The following SGCZ variants were observed in gnomAD, a reference collection of about 807,000 sequenced individuals.
SGCZ encodes the protein zeta-sarcoglycan.
In SGCZ, 40 loss-of-function variants were observed where a neutral mutation model predicts 41.3. That is an observed-to-expected ratio of 0.97 (90% CI 0.75 to 1.26). SGCZ has a LOEUF of 1.26. Among genes scored for constraint, SGCZ ranks in the 50% most tolerant of loss-of-function variants. SGCZ has a pLI of 0.00. For missense variants in SGCZ, 552 were observed against 369.8 expected, an observed-to-expected ratio of 1.49 and a Z score of -4.04; for synonymous variants, 206 against 137.5, an observed-to-expected ratio of 1.50 and a Z score of -3.49.
chr8:14,962,990 G>A (rs1475505862), intron 1 of SGCZ, among the ~76,000 whole-genome samples: 1 of 152,146 alleles, frequency 6.6e-6, no homozygotes, highest in Non-Finnish European at 1.5e-5. Context: ...AGGCAAAACT[G>A]AAATAGGAGG....
chr8:14,245,072 G>A (rs1799037300), intron 3 of SGCZ, among the ~76,000 whole-genome samples: 1 of 152,074 alleles, frequency 6.6e-6, no homozygotes, highest in Non-Finnish European at 1.5e-5. Flanking sequence ...TTTCCTAATT[G>A]AATACCCTTT....
intron 1 of SGCZ, among the ~76,000 whole-genome samples, chr8:14,794,820 T>C (rs1801073062): frequency 6.6e-6 from 1 of 152,194 alleles, no homozygotes; most frequent in Non-Finnish European, 1.5e-5. Context: ...GAGTCAGCAT[T>C]GAAATGCCCT....
chr8:14,492,162 TA>T (rs1355912588), intron 2 of SGCZ, among the ~76,000 whole-genome samples: 1 of 152,210 alleles, frequency 6.6e-6, no homozygotes, highest in Non-Finnish European at 1.5e-5. Context: ...AGATAAGATT[TA>T]TGATGAAATT....
rs553565606 is a variant in SGCZ, at chr8:14,460,854, A to G, written c.234+93878T>C. Among the ~76,000 whole-genome samples the G allele has an allele frequency of 7.0e-4, 106 of 152,282 alleles. 1 individual carries two copies. The South Asian group carries it at 0.022, about 31-fold the overall frequency. On this transcript the variant is annotated intron_variant, in intron 2 of 7. Transcript: ENST00000382080. ...TTGAGACAGTATTGTTAATTATTTT[A>G]TTTTAATTATTCCTTAATATTTAAT... is the stretch of plus-strand genomic sequence containing the variant.
rs551542882 is a variant in SGCZ, at chr8:15,162,327, C to T, written c.39+75258G>A. On this transcript the variant is annotated intron_variant, in intron 1 of 7. Coordinates refer to ENST00000382080, the MANE Select transcript of SGCZ (RefSeq NM_139167.4). ...ACGGCCAAAAGTTCTGTGGCCAGCA[C>T]CTGTCCCACCTCTAACCCAAAGGAA... Among the ~76,000 whole-genome samples the T allele has an allele frequency of 5.3e-5, 8 of 152,306 alleles. No individual in the cohort carries two copies. In the South Asian group the frequency reaches 1.7e-3, roughly 32 times the overall value.
Position 14,718,572 on chromosome 8 carries a change from A to T in SGCZ, c.40-163646T>A, listed in dbSNP as rs77159435. On this transcript the variant is annotated intron_variant, in intron 1 of 7. Coordinates refer to ENST00000382080, the MANE Select transcript of SGCZ (RefSeq NM_139167.4). ...TGTGGACGCAAACCCAGGAGATTTT[A>T]GTAAACTATACATAGCCTATACATA... is the stretch of plus-strand genomic sequence containing the variant. Among the ~76,000 whole-genome samples the T allele has an allele frequency of 9.2e-3, 1,407 of 152,154 alleles. 20 individuals carry two copies. Among genetic ancestry groups the T allele is most frequent in the African/African-American group, 0.032 (1,332 of 41,544 alleles).
chr8:14,094,692 A>C (rs1381604252), intron 7 of SGCZ, among the ~76,000 whole-genome samples: 2 of 152,058 alleles, frequency 1.3e-5, no homozygotes, highest in African/African-American at 2.4e-5. Context: ...CTGGTTCTAG[A>C]TCCTTGAGGA....
chr8:15,054,819 G>A (rs928058119), intron 1 of SGCZ, among the ~76,000 whole-genome samples: 9 of 151,814 alleles, frequency 5.9e-5, no homozygotes, highest in South Asian at 2.1e-4. Context: ...AAAATTAGCC[G>A]GGCATTCTGG....
intron 2 of SGCZ, among the ~76,000 whole-genome samples, chr8:14,515,391 G>A (rs1390035409): frequency 6.6e-6 from 1 of 151,970 alleles, no homozygotes; most frequent in African/African-American, 2.4e-5. Flanking sequence ...ATAGCAGGAG[G>A]GATATCAAGT....
intron 1 of SGCZ, among the ~76,000 whole-genome samples, chr8:15,007,727 G>A (rs1271374601): frequency 6.6e-6 from 1 of 152,118 alleles, no homozygotes; most frequent in Non-Finnish European, 1.5e-5. Flanking sequence ...ATTAAAATAA[G>A]TTGAAATCAT....
intron 1 of SGCZ, among the ~76,000 whole-genome samples, chr8:14,919,785 G>T (rs1042756000): frequency 1.3e-5 from 2 of 151,966 alleles, no homozygotes; most frequent in Non-Finnish European, 2.9e-5. Flanking sequence ...AGGCATGGTG[G>T]TGCACGCTTG....
intron 1 of SGCZ, among the ~76,000 whole-genome samples, chr8:14,832,333 G>C (rs1324909731): frequency 1.3e-5 from 2 of 152,066 alleles, no homozygotes; most frequent in Admixed American, 1.3e-4. Context: ...AATATTCTAT[G>C]CTAAAAATTC....
intron 1 of SGCZ, among the ~76,000 whole-genome samples, chr8:14,625,084 G>A (rs971321273): frequency 6.6e-6 from 1 of 151,828 alleles, no homozygotes; most frequent in Non-Finnish European, 1.5e-5. Flanking sequence ...TTCCCCTGTT[G>A]TCATCTTATT....
intron 1 of SGCZ, among the ~76,000 whole-genome samples, chr8:14,802,553 C>G (rs1304125045): frequency 6.6e-6 from 1 of 152,104 alleles, no homozygotes; most frequent in Non-Finnish European, 1.5e-5. Context: ...TCATTTGCTG[C>G]CGCCTTTTTT....
chr8:15,092,967 A>G (rs948459288), intron 1 of SGCZ, among the ~76,000 whole-genome samples: 3 of 152,226 alleles, frequency 2.0e-5, no homozygotes, highest in African/African-American at 7.2e-5. Context: ...TTGTTTGCAG[A>G]TCGCTGGCAG....
chr8:14,434,529 T>C (rs1010127229), intron 2 of SGCZ, among the ~76,000 whole-genome samples: 3 of 152,188 alleles, frequency 2.0e-5, no homozygotes, highest in African/African-American at 7.2e-5. Context: ...TTGATGGCAA[T>C]TGCATTGAAT....
chr8:14,137,015 T>A (rs780868646), intron 5 of SGCZ, among the ~76,000 whole-genome samples: 5 of 152,174 alleles, frequency 3.3e-5, no homozygotes, highest in Admixed American at 6.5e-5. Context: ...CCTCTACTGG[T>A]GATACCAAGG....
At chr8:14,650,871 T>C (rs1807375619) in intron 1 of SGCZ, among the ~76,000 whole-genome samples, 1 of 152,052 alleles carries the variant, frequency 6.6e-6, no homozygotes, top group Admixed American at 6.6e-5. Flanking sequence ...CCTATATGAA[T>C]GATAAAATTT....
chr8:14,803,528 A>T (rs879330579), intron 1 of SGCZ, among the ~76,000 whole-genome samples: 18 of 152,146 alleles, frequency 1.2e-4, no homozygotes, highest in Non-Finnish European at 2.6e-4. Context: ...GATGGGCTTA[A>T]AAAACGGCGC....
Sources: gnomAD v4.1 joint callset for allele counts (sites outside exome capture counted in the v4.1 genomes callset) on GRCh38, gnomAD v4.1.1 for gene constraint, MANE v1.5 for transcripts, NCBI Gene and HGNC (gene_info 2026-07-23, HGNC 2026-07-21) for gene names.